Variants in CCDC102B observed in about 807,000 individuals in gnomAD.
The protein encoded by CCDC102B is coiled-coil domain-containing protein 102B.
In CCDC102B, 75 loss-of-function variants were observed where a neutral mutation model predicts 57.4. That is an observed-to-expected ratio of 1.31 (90% CI 1.08 to 1.58). CCDC102B has a LOEUF of 1.58. CCDC102B is among the 40% of genes most tolerant of loss of function. The pLI, the probability that CCDC102B is intolerant of heterozygous loss-of-function variation, is 0.00. For synonymous variants in CCDC102B, 206 were observed against 201.9 expected (o/e 1.02, Z -0.17); for missense variants, 636 against 582.6 (o/e 1.09, Z -0.94).
At chr18:68,988,296 G>A (rs1195890173) in intron 6 of CCDC102B, among the ~76,000 whole-genome samples, 1 of 152,116 alleles carries the variant, frequency 6.6e-6, no homozygotes, top group Non-Finnish European at 1.5e-5. Flanking sequence ...CACAGGAATG[G>A]ACAGCCAAAT....
At chr18:68,775,653 A>ATT (rs369282225) in intron 2 of CCDC102B, among the ~76,000 whole-genome samples, 4,075 of 115,460 alleles carry the variant, frequency 0.035, 185 homozygotes, top group African/African-American at 0.087. Flanking sequence ...TAACTCCTGG[A>ATT]TTTTTTTTTT....
At chr18:68,833,543 C>A (rs8093145) in intron 1 of CCDC102B, among the ~76,000 whole-genome samples, 92,768 of 151,916 alleles carry the variant, frequency 0.61, 28,840 homozygotes, top group East Asian at 0.99. Flanking sequence ...CTAGGGCTAA[C>A]CAATCTGCAG....
intron 7 of CCDC102B, among the ~76,000 whole-genome samples, chr18:69,049,946 AT>A (rs1275148995): frequency 2.6e-5 from 4 of 151,944 alleles, no homozygotes; most frequent in African/African-American, 9.7e-5. Flanking sequence ...AGTAGCTGGG[AT>A]TACAGGTGCC....
upstream of CCDC102B, among the ~76,000 whole-genome samples, chr18:68,795,701 GC>G (rs1370716364): frequency 6.6e-6 from 1 of 152,088 alleles, no homozygotes. Flanking sequence ...ACCCAGTATG[GC>G]CTCAGTGTAA....
At chr18:69,035,277 T>TG (rs2052259337) in intron 7 of CCDC102B, among the ~76,000 whole-genome samples, 1 of 152,078 alleles carries the variant, frequency 6.6e-6, no homozygotes, top group Non-Finnish European at 1.5e-5. Context: ...TAGGCAAGGA[T>TG]GCTACTTAAT....
intron 6 of CCDC102B, among the ~76,000 whole-genome samples, chr18:68,972,323 G>A (rs149984529): frequency 4.6e-5 from 7 of 152,232 alleles, no homozygotes; most frequent in African/African-American, 1.7e-4. Context: ...CTTTCTGGTG[G>A]ATCTGCATGA....
chr18:68,768,329 G>A (rs540466423), intron 2 of CCDC102B, among the ~76,000 whole-genome samples: 5 of 152,280 alleles, frequency 3.3e-5, no homozygotes, highest in Admixed American at 3.3e-4. Flanking sequence ...TTCTGCCAGA[G>A]GATACTCTTG....
chr18:68,781,374 C>G (rs574736211), intron 2 of CCDC102B, among the ~76,000 whole-genome samples: 2 of 152,094 alleles, frequency 1.3e-5, no homozygotes, highest in East Asian at 3.9e-4. Context: ...TGGCTGAATT[C>G]AAGATTCTTT....
At chr18:68,832,907 G>A (rs549747162) in intron 1 of CCDC102B, among the ~76,000 whole-genome samples, 2 of 152,180 alleles carry the variant, frequency 1.3e-5, no homozygotes, top group South Asian at 4.2e-4. Context: ...GTGACAAAGA[G>A]GAAGCCAGAG....
chr18:68,945,095 T>TCC (rs2049496650), intron 6 of CCDC102B, among the ~76,000 whole-genome samples: 1 of 128,918 alleles, frequency 7.8e-6, no homozygotes, highest in African/African-American at 3.0e-5. Flanking sequence ...TCTCTGCCTC[T>TCC]CTCTCTCTCT....
At chr18:68,751,984 G>A (rs896666799) in intron 2 of CCDC102B, among the ~76,000 whole-genome samples, 3 of 152,100 alleles carry the variant, frequency 2.0e-5, no homozygotes, top group Admixed American at 1.3e-4. Context: ...CATCAAGGTC[G>A]GGCATGGTAA....
At chr18:68,726,876 C>G (rs79496479) in intron 2 of CCDC102B, among the ~76,000 whole-genome samples, 2,207 of 152,032 alleles carry the variant, frequency 0.015, 57 homozygotes, top group African/African-American at 0.049. Flanking sequence ...GTTCATGAAC[C>G]CTAAACAAAT....
intron 1 of CCDC102B, among the ~76,000 whole-genome samples, chr18:68,815,336 C>T (rs1463346179): frequency 1.3e-5 from 2 of 152,020 alleles, no homozygotes; most frequent in Admixed American, 6.5e-5. Flanking sequence ...TTGTTATGGC[C>T]CAATGGACAC....
At chr18:68,853,259 T>A (rs1432389318) in intron 4 of CCDC102B, among the ~76,000 whole-genome samples, 3 of 152,162 alleles carry the variant, frequency 2.0e-5, no homozygotes, top group African/African-American at 7.2e-5. Context: ...GAAAATTACA[T>A]AAAATATACT....
At chr18:68,765,356 A>AG (rs1491504453) in intron 2 of CCDC102B, among the ~76,000 whole-genome samples, 4 of 146,610 alleles carry the variant, frequency 2.7e-5, no homozygotes, top group Non-Finnish European at 6.0e-5. Flanking sequence ...AAAGAAAGAA[A>AG]GAAAGAAAGA....
intron 6 of CCDC102B, among the ~76,000 whole-genome samples, chr18:68,986,506 C>T (rs984128991): frequency 3.9e-5 from 6 of 152,070 alleles, no homozygotes; most frequent in African/African-American, 1.2e-4. Context: ...GTAATAAGAT[C>T]CATCTATGAC....
At chr18:68,944,756 A>G (rs1057161195) in intron 6 of CCDC102B, among the ~76,000 whole-genome samples, 1 of 152,110 alleles carries the variant, frequency 6.6e-6, no homozygotes, top group Admixed American at 6.6e-5. Context: ...TAACGAGGTT[A>G]GGAAAATTGC....
chr18:69,015,563 A>G (rs1031203501), intron 7 of CCDC102B, among the ~76,000 whole-genome samples: 2 of 152,220 alleles, frequency 1.3e-5, no homozygotes, highest in Non-Finnish European at 2.9e-5. Context: ...TTTAACTGGA[A>G]CCATCAAATA....
At chr18:68,765,485 GAAGAAAGAAAGAAGAAAGC>G (rs1296473765) in intron 2 of CCDC102B, among the ~76,000 whole-genome samples, 2 of 149,786 alleles carry the variant, frequency 1.3e-5, no homozygotes, top group Non-Finnish European at 3.0e-5. Flanking sequence ...GGAAGGAGAG[GAAGAAAGAAAGAAGAAAGC>G]AAGAAAGAAA....
Sources: allele counts gnomAD v4.1 joint callset (sites outside exome capture counted in the v4.1 genomes callset), GRCh38; gene constraint gnomAD v4.1.1; transcripts MANE v1.5; gene names NCBI Gene and HGNC (gene_info 2026-07-23, HGNC 2026-07-21).